Variants in ALG2 observed in about 807,000 individuals in gnomAD.
The protein encoded by ALG2 is alpha-1,3/1,6-mannosyltransferase ALG2.
Under a neutral mutation model 30.5 loss-of-function variants are expected in ALG2, and 32 were observed. The observed-to-expected ratio is 1.05, with a 90% CI of 0.79 to 1.41. The LOEUF is 1.41. ALG2 is among the 40% of genes most tolerant of loss of function. The pLI is 0.00. For missense variants in ALG2, 574 were observed against 526.4 expected (o/e 1.09, Z -0.88); for synonymous variants, 253 against 224.8 (o/e 1.13, Z -1.12).
Position 99,218,236 on chromosome 9 carries a change from A to T in ALG2, c.949T>A (p.Cys317Ser). The change falls in exon 2 of 2, where the codon TGT (cysteine) becomes AGT (serine). Residue 317 changes from cysteine to serine, a missense_variant. Transcript: ENST00000476832. ...TCATTGCTTGGTGTGTAAAGCACAC[A>T]CGTGCAGCTGTGGAGGAGGGAGATT... ...QKISLLHSCT[C>S]VLYTPSNEHF... 6.2e-7 allele frequency: 1 copy of T among 1,614,252 alleles called. No homozygotes were observed. The highest frequency in any genetic ancestry group is 8.5e-7 in the Non-Finnish European group (1 of 1,180,052).
rs748699130 is a variant in ALG2 at position 99,221,941 on chromosome 9, G to A, written c.-47C>T. The A allele has an allele frequency of 7.9e-6, 12 of 1,520,748 alleles. No individual in the cohort carries two copies. The highest frequency in any genetic ancestry group is 1.1e-5 in the Non-Finnish European group (12 of 1,136,354). 94.2% of individuals were successfully genotyped at this position (1,520,748 alleles called of 1,614,324 possible). On this transcript the variant is annotated 5_prime_UTR_variant, in exon 1 of 2. Coordinates refer to ENST00000476832, the MANE Select transcript of ALG2 (RefSeq NM_033087.4). The stretch of plus-strand genomic sequence containing the variant: ...CCCCGCACCCTGATGGGGGTCTTCT[G>A]CGCAAGCTCCGCGCTCGTAGCTCCC...
chr9:99,219,051 C>T (rs1454756354), intron 1 of ALG2, among the ~76,000 whole-genome samples: 12 of 152,182 alleles, frequency 7.9e-5, no homozygotes, highest in Admixed American at 7.9e-4. Flanking sequence ...TTTAAAGCTT[C>T]AAGTCCAGTG....
Position 99,221,748 on chromosome 9 carries a change from G to C in ALG2, c.147C>G (p.Ile49Met). The change falls in exon 1 of 2, where the codon ATC becomes ATG. Residue 49 changes from isoleucine (I) to methionine (M), a missense_variant. By Grantham distance (10) the Ile-to-Met change is conservative (BLOSUM62 1). Transcript: ENST00000476832. Reference sequence around the variant, plus strand: ...GGCCCGGGTCGTAGTGCGCTGTCCAGATCTTCACGCTACACCCGCGCGCCT... The same window carrying C: ...GGCCCGGGTCGTAGTGCGCTGTCCACATCTTCACGCTACACCCGCGCGCCT... ...ALQARGCSVKIWTAHYDPGHC... is the reference protein window; with the variant it reads ...ALQARGCSVKMWTAHYDPGHC... 2 of 1,599,020 alleles carry C rather than the reference G, an allele frequency of 1.3e-6. No individual in the cohort carries two copies. The highest frequency in any genetic ancestry group is 1.7e-6 in the Non-Finnish European group (2 of 1,179,554).
Position 99,221,598 on chromosome 9 carries a change from G to C in ALG2, c.297C>G (p.Leu99=), listed in dbSNP as rs1389785893. The C allele has an allele frequency of 8.4e-6, 13 of 1,543,874 alleles. No homozygotes were observed. Among genetic ancestry groups the C allele is most frequent in the Non-Finnish European group, 1.0e-5 (12 of 1,145,842 alleles). The change falls in exon 1 of 2, where the codon CTC becomes CTG. Residue 99 remains leucine (L), a synonymous_variant. Coordinates refer to ENST00000476832, the MANE Select transcript of ALG2 (RefSeq NM_033087.4). ...CCTCGTCGGCGAGGAACAGCACGTA[G>C]AGCGCCAGGAAAACCATGCGCACGT... is the stretch of plus-strand genomic sequence containing the variant. ...CAYVRMVFLA[L]YVLFLADEEF...
chr9:99,218,625 G>A lies in ALG2; in HGVS notation c.560C>T (p.Thr187Ile). The change falls in exon 2 of 2, where the codon ACA (threonine) becomes ATA (isoleucine). Residue 187 changes from threonine to isoleucine, a missense_variant. Physicochemically the swap from Thr to Ile is moderately conservative, Grantham distance 89. Coordinates refer to ENST00000476832, the MANE Select transcript of ALG2 (RefSeq NM_033087.4). ...SQFTAAVFKE[T>I]FKSLSHIDPD... Reference sequence around the variant, plus strand: ...GTCTATGTGAGACAGGGACTTGAATGTTTCCTTAAAAACAGCAGCTGTGAA... The same window carrying A: ...GTCTATGTGAGACAGGGACTTGAATATTTCCTTAAAAACAGCAGCTGTGAA... 4 of 1,614,236 alleles carry A rather than the reference G, an allele frequency of 2.5e-6. No individual in the cohort carries two copies. Among genetic ancestry groups the A allele is most frequent in the Non-Finnish European group, 3.4e-6 (4 of 1,180,046 alleles).
Position 99,218,786 on chromosome 9 carries a change from G to C in ALG2, c.399C>G (p.Ile133Met), listed in dbSNP as rs371772900. ...GATCTGGGAAGTGACAGTAAAATAG[G>C]ATCTTCTTCCGCCGTCTAGCCAGCC... ...VFRLARRRKK[I>M]LFYCHFPDLL... Residue 133 changes from isoleucine to methionine, a missense_variant, in exon 2 of 2, where the codon ATC becomes ATG. Transcript: ENST00000476832. 2.6e-5 allele frequency: 42 copies of C among 1,611,548 alleles called. No homozygotes were observed. In the African/African-American group the frequency reaches 5.3e-4, roughly 20 times the overall value.
At position 99,217,591 on chromosome 9, in the gene ALG2, T is replaced by TAA. The variant is rs766834738; in HGVS notation, c.*341_*342dup. 6 of 467,828 alleles carry TAA rather than the reference T, an allele frequency of 1.3e-5. No homozygotes were observed. Among genetic ancestry groups the TAA allele is most frequent in the South Asian group, 7.7e-5 (5 of 64,604 alleles). 29.0% of individuals were successfully genotyped at this position (467,828 alleles called of 1,614,324 possible). A position where few individuals can be genotyped will look rare whatever the true frequency, so the allele number is the denominator to read the frequency against. ...ATCAACTTTGATAATGATACACACT[T>TAA]AAACTATGAAAACCAATTAAGGCAC... On this transcript the variant is annotated 3_prime_UTR_variant, in exon 2 of 2. Transcript: ENST00000476832.
chr9:99,219,760 G>A (rs1828759452), intron 1 of ALG2, among the ~76,000 whole-genome samples: 1 of 152,182 alleles, frequency 6.6e-6, no homozygotes, highest in Non-Finnish European at 1.5e-5. Flanking sequence ...TTTATTCAAA[G>A]CCACTTAATT....
Position 99,221,285 on chromosome 9 carries a change from G to A in ALG2, c.348+262C>T, listed in dbSNP as rs1828795456. On this transcript the variant is annotated intron_variant, in intron 1 of 1. Coordinates refer to ENST00000476832, the MANE Select transcript of ALG2 (RefSeq NM_033087.4). Reference sequence around the variant, plus strand: ...TACCTCGGAATCACCCTATGACCCAGTTAAAATGCAGATGTCTGGGCCCCA... The same window carrying A: ...TACCTCGGAATCACCCTATGACCCAATTAAAATGCAGATGTCTGGGCCCCA... 7 of 1,020,910 alleles carry A rather than the reference G, an allele frequency of 6.9e-6. No homozygotes were observed. In the South Asian group the frequency reaches 1.2e-4, roughly 17 times the overall value. The allele number at this position is 1,020,910 out of a possible 1,614,324, so 63.2% of individuals were successfully genotyped here. A position where few individuals can be genotyped will look rare whatever the true frequency, so the allele number is the denominator to read the frequency against.
chr9:99,216,477 C>T lies in ALG2; in HGVS notation c.*1457G>A, dbSNP rs1016969493. The T allele has an allele frequency of 4.5e-6, 2 of 442,770 alleles. No homozygotes were observed. Among genetic ancestry groups the T allele is most frequent in the African/African-American group, 4.1e-5 (2 of 49,380 alleles). The allele number at this position is 442,770 out of a possible 1,614,324, so 27.4% of individuals were successfully genotyped here. On this transcript the variant is annotated 3_prime_UTR_variant, in exon 2 of 2. Coordinates refer to ENST00000476832, the MANE Select transcript of ALG2 (RefSeq NM_033087.4). ...TAAAAGACTCAATATATTTGGCACC[C>T]TCATTTTATAGTACTCCTTTTTGGT...
At chr9:99,220,452 C>A (rs1389506018) in intron 1 of ALG2, among the ~76,000 whole-genome samples, 1 of 152,048 alleles carries the variant, frequency 6.6e-6, no homozygotes, top group African/African-American at 2.4e-5. Context: ...GTGGGCGGAT[C>A]GCGAGGTCAG....
At chr9:99,220,125 C>T (rs1828767482) in intron 1 of ALG2, among the ~76,000 whole-genome samples, 1 of 152,082 alleles carries the variant, frequency 6.6e-6, no homozygotes, top group African/African-American at 2.4e-5. Context: ...TTGGCAGTAG[C>T]TATTGATATT....
At chr9:99,219,844 T>C (rs1403396186) in intron 1 of ALG2, among the ~76,000 whole-genome samples, 7 of 152,210 alleles carry the variant, frequency 4.6e-5, no homozygotes, top group Non-Finnish European at 1.0e-4. Context: ...CCCACTATAG[T>C]CTCAGCTGCC....
chr9:99,221,196 A>G lies in ALG2; in HGVS notation c.348+351T>C, dbSNP rs1367443577. The G allele has an allele frequency of 2.9e-6, 4 of 1,371,144 alleles. No homozygotes were observed. In the East Asian group the frequency reaches 9.8e-5, roughly 34 times the overall value. 84.9% of individuals were successfully genotyped at this position (1,371,144 alleles called of 1,614,324 possible). A position where few individuals can be genotyped will look rare whatever the true frequency, so the allele number is the denominator to read the frequency against. On this transcript the variant is annotated intron_variant, in intron 1 of 1. Coordinates refer to ENST00000476832, the MANE Select transcript of ALG2 (RefSeq NM_033087.4). ...CGGGAAGACAACACGCGAGTTACTCATTAGTAAAAGGTGACTGAAGCTGAC... is the reference window on the plus strand; with the variant it reads ...CGGGAAGACAACACGCGAGTTACTCGTTAGTAAAAGGTGACTGAAGCTGAC...
Position 99,221,703 on chromosome 9 carries a change from G to GCGGCTCT in ALG2, c.185_191dup (p.Leu66ProfsTer65). ...CCCCGGCACAGCGCACCGGTAGCTC[G>GCGGCTCT]CGGCTCTCGGCGAAACAGTGGCCCG... is the stretch of plus-strand genomic sequence containing the variant. On this transcript the variant is annotated frameshift_variant, in exon 1 of 2. Coordinates refer to ENST00000476832, the MANE Select transcript of ALG2 (RefSeq NM_033087.4). LOFTEE classifies it high-confidence loss of function. 6.3e-7 allele frequency: 1 copy of GCGGCTCT among 1,587,900 alleles called. No individual in the cohort carries two copies. Among genetic ancestry groups the GCGGCTCT allele is most frequent in the Non-Finnish European group, 8.5e-7 (1 of 1,174,084 alleles).
intron 1 of ALG2, among the ~76,000 whole-genome samples, chr9:99,219,837 A>T (rs1172337471): frequency 6.6e-6 from 1 of 152,194 alleles, no homozygotes; most frequent in African/African-American, 2.4e-5. Context: ...TCCTCTACCC[A>T]CTATAGTCTC....
chr9:99,220,057 G>A (rs1828765735), intron 1 of ALG2, among the ~76,000 whole-genome samples: 1 of 152,232 alleles, frequency 6.6e-6, no homozygotes, highest in Non-Finnish European at 1.5e-5. Context: ...CATGGAGTAA[G>A]AGGCTCTATC....
intron 1 of ALG2, 34 bp downstream of exon 1, chr9:99,221,513 C>G: frequency 6.5e-7 from 1 of 1,537,714 alleles, no homozygotes; most frequent in Non-Finnish European, 8.7e-7. Flanking sequence ...CGGCGAGGTC[C>G]GCACTCGCGC....
rs577121693 is a variant in ALG2 at position 99,216,997 on chromosome 9, T to C, written c.*937A>G. Reference sequence around the variant, plus strand: ...GAACTATAAGTCAGTGTCACGAAAATATCAGTGTCATGAAAAGGCTAGAGT... The same window carrying C: ...GAACTATAAGTCAGTGTCACGAAAACATCAGTGTCATGAAAAGGCTAGAGT... On this transcript the variant is annotated 3_prime_UTR_variant, in exon 2 of 2. Transcript: ENST00000476832. 2.2e-6 allele frequency: 1 copy of C among 454,064 alleles called. No individual in the cohort carries two copies. The allele number at this position is 454,064 out of a possible 1,614,324, so 28.1% of individuals were successfully genotyped here.
Sources: allele counts gnomAD v4.1 joint callset (sites outside exome capture counted in the v4.1 genomes callset), GRCh38; gene constraint gnomAD v4.1.1; transcripts MANE v1.5; gene names NCBI Gene and HGNC (gene_info 2026-07-23, HGNC 2026-07-21).